The following PDE11A variants were observed in gnomAD, a reference collection of about 807,000 sequenced individuals.
PDE11A encodes dual 3',5'-cyclic-AMP and -GMP phosphodiesterase 11A.
In PDE11A, 100 loss-of-function variants were observed where a neutral mutation model predicts 100.5. The ratio of observed to expected loss-of-function variants is 1.00; its 90% CI spans 0.85 to 1.18. The LOEUF is 1.18. Ranked by LOEUF, PDE11A falls within the 50% of genes most tolerant of loss-of-function variation. The pLI is 0.00. For synonymous variants in PDE11A, 381 were observed against 420.8 expected (o/e 0.91, Z 1.16); for missense variants, 1,141 against 1,152.6 (o/e 0.99, Z 0.15).
intron 4 of PDE11A, among the ~76,000 whole-genome samples, chr2:177,886,421 T>C (rs1191362870): frequency 6.6e-6 from 1 of 152,160 alleles, no homozygotes; most frequent in African/African-American, 2.4e-5. Flanking sequence ...ACTGAACAGT[T>C]TACACCTGAG....
At chr2:178,098,916 G>T (rs887564005) in intron 2 of PDE11A, among the ~76,000 whole-genome samples, 3 of 152,142 alleles carry the variant, frequency 2.0e-5, no homozygotes, top group Non-Finnish European at 4.4e-5. Flanking sequence ...CTAATCTCAT[G>T]ATACGATTTC....
At chr2:177,722,302 C>T (rs2081541772) in intron 12 of PDE11A, among the ~76,000 whole-genome samples, 1 of 152,126 alleles carries the variant, frequency 6.6e-6, no homozygotes, top group African/African-American at 2.4e-5. Context: ...ATACCCAGCT[C>T]TGGCTGATGG....
intron 9 of PDE11A, among the ~76,000 whole-genome samples, chr2:177,811,509 T>C (rs779664569): frequency 1.2e-5 from 1 of 82,580 alleles, no homozygotes; most frequent in Non-Finnish European, 2.3e-5. Context: ...AAAATCCAGA[T>C]AATGTATTAG....
chr2:178,053,326 A>T (rs182186204), intron 1 of PDE11A, among the ~76,000 whole-genome samples: 138 of 152,384 alleles, frequency 9.1e-4, no homozygotes, highest in African/African-American at 3.1e-3. Flanking sequence ...CTTCGTGCTA[A>T]AACCTCTCAA....
intron 2 of PDE11A, among the ~76,000 whole-genome samples, chr2:178,103,327 C>G (rs551787394): frequency 2.3e-4 from 35 of 152,152 alleles, no homozygotes; most frequent in African/African-American, 7.2e-4. Flanking sequence ...TCCAAAGAGA[C>G]AGAATGCAGA....
rs544413550 is a variant in PDE11A, at chr2:177,653,277, C to T, written c.2646+10589G>A. 2.1e-3 allele frequency among the ~76,000 whole-genome samples: 313 copies of T among 152,336 alleles called. 3 individuals are homozygous for T. Among genetic ancestry groups the T allele is most frequent in the African/African-American group, 7.2e-3 (299 of 41,578 alleles). The stretch of plus-strand genomic sequence containing the variant: ...GCTTTAGATTTCAGCCATGGATTCT[C>T]TCCATGAGTGCTCTGAGAGAACTCT... On this transcript the variant is annotated intron_variant, in intron 19 of 19. Coordinates refer to ENST00000286063, the MANE Select transcript of PDE11A (RefSeq NM_016953.4).
At chr2:177,962,056 C>CAAAAAAAA (rs34148492) in intron 2 of PDE11A, among the ~76,000 whole-genome samples, 9 of 66,350 alleles carry the variant, frequency 1.4e-4, no homozygotes, top group African/African-American at 5.0e-4. Context: ...GACACTGTCT[C>CAAAAAAAA]AAAAAAAAAA....
chr2:177,720,802 C>T (rs1024350585), intron 12 of PDE11A, among the ~76,000 whole-genome samples: 8 of 152,160 alleles, frequency 5.3e-5, no homozygotes, highest in African/African-American at 1.9e-4. Flanking sequence ...CTGGTCCTTT[C>T]CTTACCAAGC....
At chr2:177,968,346 C>G (rs1015479317) in intron 2 of PDE11A, among the ~76,000 whole-genome samples, 1 of 152,056 alleles carries the variant, frequency 6.6e-6, no homozygotes, top group Non-Finnish European at 1.5e-5. Context: ...TCAGGCAAAC[C>G]CAGCTAAAAA....
intron 4 of PDE11A, among the ~76,000 whole-genome samples, chr2:177,881,379 CTAT>C (rs1284035623): frequency 2.1e-4 from 32 of 151,938 alleles, no homozygotes; most frequent in African/African-American, 7.5e-4. Flanking sequence ...ATCTATCTAT[CTAT>C]CTATCCATCT....
At chr2:177,977,103 G>A (rs1480380488) in intron 2 of PDE11A, among the ~76,000 whole-genome samples, 11 of 27,762 alleles carry the variant, frequency 4.0e-4, no homozygotes, top group Middle Eastern at 9.3e-3. Context: ...AATCAGGCAG[G>A]AGAAGGAAAT....
At chr2:178,092,017 A>G (rs2087429684) in intron 2 of PDE11A, among the ~76,000 whole-genome samples, 1 of 152,086 alleles carries the variant, frequency 6.6e-6, no homozygotes, top group East Asian at 1.9e-4. Context: ...CTTTTTTCCC[A>G]AAAACATTCC....
intron 4 of PDE11A, among the ~76,000 whole-genome samples, chr2:177,893,007 TC>T (rs2084554142): frequency 1.3e-5 from 2 of 152,152 alleles, no homozygotes. Context: ...GGGGGAAGTT[TC>T]AACTCCCCCC....
intron 9 of PDE11A, among the ~76,000 whole-genome samples, chr2:177,779,167 T>C (rs932272644): frequency 3.3e-5 from 5 of 152,196 alleles, no homozygotes; most frequent in Admixed American, 1.3e-4. Context: ...AAGTGTGTAA[T>C]AGCATATCTA....
chr2:177,866,587 T>C (rs1268289658), intron 5 of PDE11A, among the ~76,000 whole-genome samples: 1 of 152,196 alleles, frequency 6.6e-6, no homozygotes, highest in African/African-American at 2.4e-5. Flanking sequence ...TGAATGTATG[T>C]CTAAGAAGGA....
At chr2:177,635,026 C>T (rs1192296873) in intron 19 of PDE11A, among the ~76,000 whole-genome samples, 2 of 152,206 alleles carry the variant, frequency 1.3e-5, no homozygotes, top group Admixed American at 6.5e-5. Context: ...CCTCAAGACA[C>T]CTGACTCTCC....
At chr2:177,845,394 G>A (rs2083573356) in intron 5 of PDE11A, among the ~76,000 whole-genome samples, 1 of 151,252 alleles carries the variant, frequency 6.6e-6, no homozygotes, top group Non-Finnish European at 1.5e-5. Context: ...TCCCAGACGG[G>A]GCAGCGGGGC....
intron 17 of PDE11A, among the ~76,000 whole-genome samples, chr2:177,671,924 G>A (rs1191497115): frequency 1.3e-5 from 2 of 152,088 alleles, no homozygotes; most frequent in African/African-American, 4.8e-5. Flanking sequence ...GCGTTTCACT[G>A]TGGTTTCTGA....
intron 2 of PDE11A, among the ~76,000 whole-genome samples, chr2:177,954,623 G>A (rs1210860162): frequency 6.6e-6 from 1 of 152,164 alleles, no homozygotes; most frequent in Non-Finnish European, 1.5e-5. Context: ...AGGGGGAAGA[G>A]AATCAAGTGC....
Sources: gnomAD v4.1 joint callset for allele counts (sites outside exome capture counted in the v4.1 genomes callset) on GRCh38, gnomAD v4.1.1 for gene constraint, MANE v1.5 for transcripts, NCBI Gene and HGNC (gene_info 2026-07-23, HGNC 2026-07-21) for gene names.